DGAT2: variants seen among roughly 807,000 people sequenced by gnomAD.
The protein encoded by DGAT2 is diacylglycerol O-acyltransferase 2.
DGAT2 carries 33 observed loss-of-function variants against 48.4 expected under a neutral mutation model. The ratio of observed to expected loss-of-function variants is 0.68; its 90% CI spans 0.52 to 0.91. The LOEUF is 0.91. DGAT2 is among the 40% of genes least tolerant of loss of function. DGAT2 has a pLI of 0.00. For synonymous variants in DGAT2, 191 were observed against 194.1 expected (o/e 0.98, Z 0.13); for missense variants, 446 against 493.7 (o/e 0.90, Z 0.92).
chr11:75,781,069 G>C (rs773525403), intron 1 of DGAT2, among the ~76,000 whole-genome samples: 10 of 152,208 alleles, frequency 6.6e-5, no homozygotes, highest in Non-Finnish European at 1.5e-4. Context: ...TCAGCAGTTA[G>C]AACAAGGCCA....
At chr11:75,776,536 T>C (rs1944804617) in intron 1 of DGAT2, 1 of 152,208 alleles carries the variant, frequency 6.6e-6, no homozygotes, top group Admixed American at 6.5e-5. Flanking sequence ...ATGCATGTGC[T>C]AAAAGACTGA....
chr11:75,785,306 T>C (rs912763824), intron 2 of DGAT2, among the ~76,000 whole-genome samples: 1 of 152,212 alleles, frequency 6.6e-6, no homozygotes, highest in Non-Finnish European at 1.5e-5. Context: ...TGAGAGCACC[T>C]GGCACAGGGC....
At position 75,790,641 on chromosome 11, in the gene DGAT2, T is replaced by C. The variant is rs141812418; in HGVS notation, c.359-20T>C. Reference sequence around the variant, plus strand: ...AATGTACCCCCACCCCCACCAACTCTGTATTTTATTCCCTGGAAGGTGGCA... The same window carrying C: ...AATGTACCCCCACCCCCACCAACTCCGTATTTTATTCCCTGGAAGGTGGCA... On this transcript the variant is annotated intron_variant, in intron 3 of 7. Transcript: ENST00000228027. 6.2e-7 allele frequency: 1 copy of C among 1,612,858 alleles called. No homozygotes were observed. The highest frequency in any genetic ancestry group is 2.2e-5 in the East Asian group (1 of 44,878).
intron 4 of DGAT2, among the ~76,000 whole-genome samples, chr11:75,791,055 G>C (rs1402736723): frequency 6.6e-6 from 1 of 152,234 alleles, no homozygotes; most frequent in African/African-American, 2.4e-5. Flanking sequence ...GGTGAATTGA[G>C]GATAACTCTG....
Position 75,800,558 on chromosome 11 carries a change from T to C in DGAT2, c.*50T>C. 1 of 1,588,996 alleles carries C rather than the reference T, an allele frequency of 6.3e-7. No individual in the cohort carries two copies. Among genetic ancestry groups the C allele is most frequent in the Non-Finnish European group, 8.6e-7 (1 of 1,167,536 alleles). ...GGAGGAACCAGCTGCAAATCACTTT[T>C]TTGCTCTGTAAATTTGGAAGTGTCA... On this transcript the variant is annotated 3_prime_UTR_variant, in exon 8 of 8. Transcript: ENST00000228027.
chr11:75,793,586 G>A (rs1412794493), intron 4 of DGAT2: 1 of 152,276 alleles, frequency 6.6e-6, no homozygotes, highest in African/African-American at 2.4e-5. Flanking sequence ...CCAAGGAATG[G>A]CTTAGACCTT....
At chr11:75,772,279 C>T (rs1944766352) in intron 1 of DGAT2, among the ~76,000 whole-genome samples, 2 of 152,152 alleles carry the variant, frequency 1.3e-5, no homozygotes, top group South Asian at 4.1e-4. Context: ...ATGCCAGTTG[C>T]CCCCTACCCA....
chr11:75,768,959 T>A lies in DGAT2; in HGVS notation c.-33T>A, dbSNP rs1439618883. On this transcript the variant is annotated 5_prime_UTR_variant, in exon 1 of 8. Transcript: ENST00000228027. ...GCCAGGGGCGCGGGGTGAAGCGGCT[T>A]CCCGCGGGGCCGTGACTGGGCGGGC... 6.9e-7 allele frequency: 1 copy of A among 1,456,252 alleles called. No homozygotes were observed. The highest frequency in any genetic ancestry group is 1.5e-5 in the African/African-American group (1 of 68,032). 90.2% of individuals were successfully genotyped at this position (1,456,252 alleles called of 1,614,324 possible).
intron 4 of DGAT2, chr11:75,792,612 T>C (rs1945003632): frequency 6.6e-6 from 1 of 152,074 alleles, no homozygotes; most frequent in East Asian, 1.9e-4. Context: ...GAACAGCTCA[T>C]CTGGCCCAGA....
intron 1 of DGAT2, chr11:75,777,009 C>A (rs72997623): frequency 0.086 from 13,183 of 152,550 alleles, 655 homozygotes; most frequent in East Asian, 0.22. Flanking sequence ...TGTCTCCGTG[C>A]AACTTGTCCT....
chr11:75,775,588 C>T lies in DGAT2; in HGVS notation c.121+6476C>T, dbSNP rs1565313473. ...GGAGTGAGCTCTGACTGGCTGTCTT[C>T]TCTGCCTTCAGGGTAGAGGCCAGGA... On this transcript the variant is annotated intron_variant, in intron 1 of 7. Coordinates refer to ENST00000228027, the MANE Select transcript of DGAT2 (RefSeq NM_032564.5). 3.3e-5 allele frequency among the ~76,000 whole-genome samples: 5 copies of T among 152,322 alleles called. No homozygotes were observed. The South Asian group carries it at 8.3e-4, about 25-fold the overall frequency.
In DGAT2 at chr11:75,800,343, T is replaced by C; in HGVS notation, c.1013-11T>C. 1 of 1,613,872 alleles carries C rather than the reference T, an allele frequency of 6.2e-7. No individual in the cohort carries two copies. Among genetic ancestry groups the C allele is most frequent in the Admixed American group, 1.7e-5 (1 of 59,994 alleles). On this transcript the variant is annotated splice_polypyrimidine_tract_variant and intron_variant, in intron 7 of 7. Coordinates refer to ENST00000228027, the MANE Select transcript of DGAT2 (RefSeq NM_032564.5). ...GTTGACTAACCAGAAGCCTCTGCCCTGTCCCTGCAGTGGGAGAGCCCATCA... is the reference window on the plus strand; with the variant it reads ...GTTGACTAACCAGAAGCCTCTGCCCCGTCCCTGCAGTGGGAGAGCCCATCA...
Position 75,800,861 on chromosome 11 carries a change from G to T in DGAT2, c.*353G>T, listed in dbSNP as rs1945106075. ...AGATGATTCACTTTTTGCCCCTAGG[G>T]ATGAGAGGCGAAAGCCACTTCTCAT... On this transcript the variant is annotated 3_prime_UTR_variant, in exon 8 of 8. Coordinates refer to ENST00000228027, the MANE Select transcript of DGAT2 (RefSeq NM_032564.5). 4.3e-6 allele frequency: 1 copy of T among 233,998 alleles called. No homozygotes were observed. Among genetic ancestry groups the T allele is most frequent in the Non-Finnish European group, 8.5e-6 (1 of 118,332 alleles). 14.5% of individuals were successfully genotyped at this position (233,998 alleles called of 1,614,324 possible). A position where few individuals can be genotyped will look rare whatever the true frequency, so the allele number is the denominator to read the frequency against.
intron 1 of DGAT2, among the ~76,000 whole-genome samples, chr11:75,781,330 C>A (rs1369144336): frequency 6.6e-6 from 1 of 152,216 alleles, no homozygotes; most frequent in Non-Finnish European, 1.5e-5. Context: ...ATCAGGGAAT[C>A]ATCAGGTAAG....
intron 7 of DGAT2, among the ~76,000 whole-genome samples, chr11:75,799,705 C>T (rs766858395): frequency 3.3e-5 from 5 of 151,898 alleles, no homozygotes; most frequent in Non-Finnish European, 7.4e-5. Context: ...CCTCTGCCTC[C>T]TAGTCTCAAG....
intron 2 of DGAT2, among the ~76,000 whole-genome samples, chr11:75,786,516 C>T (rs888710452): frequency 6.6e-6 from 1 of 152,168 alleles, no homozygotes; most frequent in Non-Finnish European, 1.5e-5. Flanking sequence ...CACCAGCTCA[C>T]GCAGCATGTG....
chr11:75,784,456 C>T, intron 1 of DGAT2, 162 bp from the exon 2 acceptor site: 3 of 896,754 alleles, frequency 3.3e-6, no homozygotes, highest in South Asian at 1.9e-5. Context: ...AGTTACAAAG[C>T]CATGAGGTGG....
rs745315498 is a variant in DGAT2, at chr11:75,800,480, C to T, written c.1139C>T (p.Pro380Leu). 38 of 1,613,938 alleles carry T rather than the reference C, an allele frequency of 2.4e-5. No homozygotes were observed. The highest frequency in any genetic ancestry group is 3.0e-5 in the Non-Finnish European group (35 of 1,179,990). ...FDKHKTKFGL[P>L]ETEVLEVN is the part of the protein sequence containing the mutation. ...AAGCACAAGACCAAGTTCGGCCTCC[C>T]GGAGACTGAGGTCCTGGAGGTGAAC... The change falls in exon 8 of 8, where the codon CCG becomes CTG. Residue 380 changes from proline (P) to leucine (L), a missense_variant. Coordinates refer to ENST00000228027, the MANE Select transcript of DGAT2 (RefSeq NM_032564.5).
Position 75,795,704 on chromosome 11 carries a change from G to A in DGAT2, c.430-624G>A, listed in dbSNP as rs41302439. On this transcript the variant is annotated intron_variant, in intron 4 of 7. Coordinates refer to ENST00000228027, the MANE Select transcript of DGAT2 (RefSeq NM_032564.5). ...CTGAACTGAGCCCAGCTGACTGTGG[G>A]AAAGTTTCCATTTGGGCCAGCTGCA... 867 of 153,700 alleles carry A rather than the reference G, an allele frequency of 5.6e-3. 3 individuals carry two copies. Among genetic ancestry groups the A allele is most frequent in the Middle Eastern group, 0.01 (3 of 294 alleles). The allele number at this position is 153,700 out of a possible 1,614,324, so 9.5% of individuals were successfully genotyped here.
Sources: allele counts gnomAD v4.1 joint callset (sites outside exome capture counted in the v4.1 genomes callset), GRCh38; gene constraint gnomAD v4.1.1; transcripts MANE v1.5; gene names NCBI Gene and HGNC (gene_info 2026-07-23, HGNC 2026-07-21).